GIT2: variants seen among roughly 807,000 people sequenced by gnomAD.
GIT2 encodes GIT ArfGAP 2.
In GIT2, 32 loss-of-function variants were observed where a neutral mutation model predicts 100.3. The ratio of observed to expected loss-of-function variants is 0.32; its 90% CI spans 0.24 to 0.43. The LOEUF (loss-of-function observed/expected upper bound fraction) is 0.43, where lower values mean the gene tolerates loss of function less well. GIT2 is among the 20% of genes least tolerant of loss of function. GIT2 has a pLI of 1.00. For missense variants in GIT2, 737 were observed against 975.1 expected, an observed-to-expected ratio of 0.76 and a Z score of 3.25; for synonymous variants, 353 against 364.1, an observed-to-expected ratio of 0.97 and a Z score of 0.35.
chr12:109,955,301 T>G (rs1157185081), intron 12 of GIT2, among the ~76,000 whole-genome samples: 3 of 151,954 alleles, frequency 2.0e-5, no homozygotes, highest in Non-Finnish European at 4.4e-5. Flanking sequence ...TTTTTTTGTA[T>G]TTTTTTAGTA....
chr12:109,938,073 G>GT (rs1873542106), intron 18 of GIT2, among the ~76,000 whole-genome samples: 1 of 152,152 alleles, frequency 6.6e-6, no homozygotes, highest in Non-Finnish European at 1.5e-5. Context: ...GAAGCGAGGT[G>GT]TAAGGTAGCC....
chr12:109,963,180 A>T (rs780289041), intron 9 of GIT2, among the ~76,000 whole-genome samples: 2 of 152,236 alleles, frequency 1.3e-5, no homozygotes, highest in Non-Finnish European at 2.9e-5. Context: ...AATGTACCAA[A>T]ATATTGAGCC....
chr12:109,997,011 AC>A (rs1449414199), upstream of GIT2, among the ~76,000 whole-genome samples: 1 of 151,868 alleles, frequency 6.6e-6, no homozygotes, highest in Non-Finnish European at 1.5e-5. Context: ...GGAGTTCAAG[AC>A]CAGCCTGGCC....
At chr12:109,957,299 C>T (rs1033868836) in intron 12 of GIT2, among the ~76,000 whole-genome samples, 2 of 152,096 alleles carry the variant, frequency 1.3e-5, no homozygotes, top group Non-Finnish European at 2.9e-5. Flanking sequence ...CCTCTCTCAC[C>T]GTGTGATCTC....
intron 16 of GIT2, chr12:109,939,803 G>A (rs1592954176): frequency 6.6e-6 from 1 of 152,294 alleles, no homozygotes; most frequent in East Asian, 1.9e-4. Flanking sequence ...TTGAGCCCAG[G>A]AGTTCAAGGT....
At chr12:109,966,911 G>C (rs1211647052) in intron 8 of GIT2, among the ~76,000 whole-genome samples, 1 of 151,998 alleles carries the variant, frequency 6.6e-6, no homozygotes, top group Non-Finnish European at 1.5e-5. Flanking sequence ...AAAATGTTTG[G>C]GGGCAAAAAG....
upstream of GIT2, among the ~76,000 whole-genome samples, chr12:109,999,937 G>A (rs1301675913): frequency 6.6e-6 from 1 of 152,202 alleles, no homozygotes; most frequent in Non-Finnish European, 1.5e-5. This position sits in a 1 kb window ranked among gnomAD's most constrained non-coding sequence, Gnocchi z 4.3. Flanking sequence ...AATAGGACAC[G>A]TATCGAGTGC....
At position 109,995,380 on chromosome 12, in the gene GIT2, GACT is replaced by G. The variant is rs1180912103; in HGVS notation, c.52+790_52+792del. 3.9e-5 allele frequency among the ~76,000 whole-genome samples: 6 copies of G among 152,252 alleles called. No homozygotes were observed. In the South Asian group the frequency reaches 1.0e-3, roughly 26 times the overall value. The stretch of plus-strand genomic sequence containing the variant: ...TAGATAGTCAAATATAGCTTTAAGG[GACT>G]ACAAGAGTTCTACTGTAGACAGCAT... On this transcript the variant is annotated intron_variant, in intron 1 of 19. Transcript: ENST00000355312.
chr12:109,933,264 T>C lies in GIT2; in HGVS notation c.2068-74A>G. 2 of 895,622 alleles carry C rather than the reference T, an allele frequency of 2.2e-6. No individual in the cohort carries two copies. The highest frequency in any genetic ancestry group is 3.6e-6 in the Non-Finnish European group (2 of 561,754). 55.5% of individuals were successfully genotyped at this position (895,622 alleles called of 1,614,324 possible). ...CAAAAGCAGGGGACAAACATTCTTC[T>C]AAAGCAAACCAAGCTGCTCCCCAGA... On this transcript the variant is annotated intron_variant, in intron 19 of 19. Coordinates refer to ENST00000355312, the MANE Select transcript of GIT2 (RefSeq NM_057169.5). This position sits in a 1 kb window ranked among gnomAD's most constrained non-coding sequence, Gnocchi z 4.5.
rs188058207 is a variant in GIT2 at position 109,948,151 on chromosome 12, G to A, written c.1393-647C>T. 2.5e-5 allele frequency: 24 copies of A among 964,598 alleles called. No individual in the cohort carries two copies. The highest frequency in any genetic ancestry group is 2.3e-4 in the East Asian group (2 of 8,712). The allele number at this position is 964,598 out of a possible 1,614,324, so 59.8% of individuals were successfully genotyped here. ...AAAAAAAAAGAAAAAAGAGAAAACC[G>A]GATCATGGTAAGTTTGCTATATTAA... On this transcript the variant is annotated intron_variant, in intron 14 of 19. Coordinates refer to ENST00000355312, the MANE Select transcript of GIT2 (RefSeq NM_057169.5). This position sits in a 1 kb window ranked among gnomAD's most constrained non-coding sequence, Gnocchi z 4.3.
At chr12:109,937,377 C>T (rs566287265) in intron 18 of GIT2, among the ~76,000 whole-genome samples, 2 of 152,236 alleles carry the variant, frequency 1.3e-5, no homozygotes, top group East Asian at 1.9e-4. Flanking sequence ...TCGTGCAAGG[C>T]GTGAAGAAAG....
intron 13 of GIT2, chr12:109,952,821 T>C (rs1241652648): frequency 5.7e-6 from 3 of 522,848 alleles, no homozygotes; most frequent in Non-Finnish European, 3.5e-6. Flanking sequence ...CGAGGCCTCA[T>C]TCAGGAGAGT....
In GIT2 at chr12:109,948,185, G is replaced by A. The variant is rs1876856670; in HGVS notation, c.1393-681C>T. 1 of 981,804 alleles carries A rather than the reference G, an allele frequency of 1.0e-6. No homozygotes were observed. Among genetic ancestry groups the A allele is most frequent in the Non-Finnish European group, 1.2e-6 (1 of 826,884 alleles). 60.8% of individuals were successfully genotyped at this position (981,804 alleles called of 1,614,324 possible). On this transcript the variant is annotated intron_variant, in intron 14 of 19. Transcript: ENST00000355312. This position sits in a 1 kb window ranked among gnomAD's most constrained non-coding sequence, Gnocchi z 4.3. ...TAAGTTTGCTATATTAACATATCAC[G>A]AAGAAAACTGGAAACCTATTGATCT...
intron 16 of GIT2, among the ~76,000 whole-genome samples, chr12:109,940,827 T>C (rs1874432841): frequency 6.7e-6 from 1 of 150,366 alleles, no homozygotes; most frequent in Non-Finnish European, 1.5e-5. Flanking sequence ...TGCAGTGAGA[T>C]GAGATCGTAC....
At chr12:109,988,670 T>A (rs1001479883) in intron 4 of GIT2, among the ~76,000 whole-genome samples, 2 of 151,890 alleles carry the variant, frequency 1.3e-5, no homozygotes, top group Non-Finnish European at 2.9e-5. Flanking sequence ...CTGGCCAACA[T>A]GGTGAAACCC....
At chr12:109,999,995 A>G (rs1344838287), upstream of GIT2, among the ~76,000 whole-genome samples, 1 of 152,150 alleles carries the variant, frequency 6.6e-6, no homozygotes, top group Non-Finnish European at 1.5e-5. The surrounding 1 kb of genome is among the most constrained non-coding windows in gnomAD (Gnocchi z 4.3). Flanking sequence ...CACCTTTCCA[A>G]TAACGCTGGT....
In GIT2 at chr12:109,930,018, GGAAA is replaced by G. The variant is rs1871374561; in HGVS notation, c.*2956_*2959del. On this transcript the variant is annotated 3_prime_UTR_variant, in exon 20 of 20. Coordinates refer to ENST00000355312, the MANE Select transcript of GIT2 (RefSeq NM_057169.5). ...AACACGTTACCTTCAACCAGGACAA[GGAAA>G]GAAAGAAAACTATACTATTGGAAAG... 6.6e-6 allele frequency: 1 copy of G among 152,440 alleles called. No homozygotes were observed. Among genetic ancestry groups the G allele is most frequent in the Admixed American group, 6.6e-5 (1 of 15,266 alleles). 9.4% of individuals were successfully genotyped at this position (152,440 alleles called of 1,614,324 possible).
In GIT2 at chr12:109,996,163, T is replaced by G. The variant is rs779575022; in HGVS notation, c.52+10A>C. 4.1e-4 allele frequency: 612 copies of G among 1,506,266 alleles called. 2 individuals are homozygous for G. Among genetic ancestry groups the G allele is most frequent in the Non-Finnish European group, 5.2e-4 (585 of 1,122,248 alleles). 93.3% of individuals were successfully genotyped at this position (1,506,266 alleles called of 1,614,324 possible). A position where few individuals can be genotyped will look rare whatever the true frequency, so the allele number is the denominator to read the frequency against. On this transcript the variant is annotated intron_variant, in intron 1 of 19. Coordinates refer to ENST00000355312, the MANE Select transcript of GIT2 (RefSeq NM_057169.5). Reference sequence around the variant, plus strand: ...AGCAGAGGGGAGCGGGCCCGGCCGGTGCGACTCACCCGGCCCGCTGCAGTC... The same window carrying G: ...AGCAGAGGGGAGCGGGCCCGGCCGGGGCGACTCACCCGGCCCGCTGCAGTC...
chr12:109,967,512 G>A lies in GIT2; in HGVS notation c.719-9C>T. 2 of 1,579,324 alleles carry A rather than the reference G, an allele frequency of 1.3e-6. No homozygotes were observed. The highest frequency in any genetic ancestry group is 1.7e-6 in the Non-Finnish European group (2 of 1,148,632). Reference sequence around the variant, plus strand: ...CTGTCCATTTTTGTGATCTGAAACAGAAACCAAGTCAAAGTTTTGTTCATA... The same window carrying A: ...CTGTCCATTTTTGTGATCTGAAACAAAAACCAAGTCAAAGTTTTGTTCATA... On this transcript the variant is annotated splice_polypyrimidine_tract_variant and intron_variant, in intron 7 of 19. Transcript: ENST00000355312.
Sources: allele counts gnomAD v4.1 joint callset (sites outside exome capture counted in the v4.1 genomes callset), GRCh38; gene constraint gnomAD v4.1.1; non-coding constraint Gnocchi (gnomAD v3.1); transcripts MANE v1.5; gene names NCBI Gene and HGNC (gene_info 2026-07-23, HGNC 2026-07-21).